The following SPMAP1 variants were observed in gnomAD, a reference collection of about 807,000 sequenced individuals.
SPMAP1 encodes the protein sperm microtubule associated protein 1.
At chr17:38,835,130 T>C in the SPMAP1 span, 3 of 1,547,804 alleles carry the variant, frequency 1.9e-6, no homozygotes, top group Non-Finnish European at 2.7e-6. Context: ...ACACTAAGAG[T>C]TCATCTAAAC....
chr17:38,839,067 CAG>C, the SPMAP1 span, among the ~76,000 whole-genome samples: 1 of 113,216 alleles, frequency 8.8e-6, no homozygotes, highest in Admixed American at 1.3e-4. Context: ...GCCTGGATGA[CAG>C]AGTGAGACTC....
chr17:38,839,085 C>CAA, the SPMAP1 span, among the ~76,000 whole-genome samples: 126 of 63,550 alleles, frequency 2.0e-3, 1 homozygote, highest in African/African-American at 3.1e-3. Flanking sequence ...GACTCTGTCT[C>CAA]AAAAAAAAAA....
chr17:38,840,301 T>C, the SPMAP1 span, among the ~76,000 whole-genome samples: 1 of 152,114 alleles, frequency 6.6e-6, no homozygotes, highest in African/African-American at 2.4e-5. Context: ...TTTTTGCGTA[T>C]TTAGAGAATT....
the SPMAP1 span, among the ~76,000 whole-genome samples, chr17:38,839,786 CGA>C: frequency 6.6e-6 from 1 of 151,562 alleles, no homozygotes. Flanking sequence ...GGCGACAGAG[CGA>C]GACTCCGTCT....
At chr17:38,839,836 CAT>C in the SPMAP1 span, among the ~76,000 whole-genome samples, 5 of 152,076 alleles carry the variant, frequency 3.3e-5, no homozygotes, top group African/African-American at 9.7e-5. Context: ...TGAGTCAACA[CAT>C]GTGTGACTCA....
the SPMAP1 span, among the ~76,000 whole-genome samples, chr17:38,836,401 G>A: frequency 2.0e-5 from 3 of 151,932 alleles, no homozygotes; most frequent in Non-Finnish European, 2.9e-5. Context: ...AGGAGTTCAA[G>A]ACCAGCGTGG....
the SPMAP1 span, chr17:38,837,312 G>T: frequency 1.0e-6 from 1 of 1,003,222 alleles, no homozygotes; most frequent in Non-Finnish European, 1.6e-6. Context: ...AGTGCAAACT[G>T]CCCTGGGGTT....
At chr17:38,837,436 G>T in the SPMAP1 span, among the ~76,000 whole-genome samples, 2,987 of 152,246 alleles carry the variant, frequency 0.02, 99 homozygotes, top group African/African-American at 0.067. Context: ...CAGCACTTTG[G>T]AAGGCCAAGG....
At chr17:38,836,380 C>T in the SPMAP1 span, among the ~76,000 whole-genome samples, 1 of 151,964 alleles carries the variant, frequency 6.6e-6, no homozygotes, top group African/African-American at 2.4e-5. Flanking sequence ...GCCAGAGGAT[C>T]ACTTGAGCCT....
At chr17:38,837,167 A>T in the SPMAP1 span, 9 of 1,613,480 alleles carry the variant, frequency 5.6e-6, no homozygotes, top group Non-Finnish European at 7.6e-6. Flanking sequence ...TCTCCTGTTG[A>T]GGTATCTTTG....
At chr17:38,840,633 A>G in the SPMAP1 span, among the ~76,000 whole-genome samples, 2 of 143,096 alleles carry the variant, frequency 1.4e-5, no homozygotes, top group Admixed American at 6.9e-5. Flanking sequence ...AAAAAAAAAA[A>G]AAAAAAAAAA....
chr17:38,836,413 C>T, the SPMAP1 span, among the ~76,000 whole-genome samples: 2 of 151,858 alleles, frequency 1.3e-5, no homozygotes, highest in African/African-American at 4.8e-5. Flanking sequence ...CCAGCGTGGG[C>T]CACATAGGGA....
At chr17:38,841,016 TG>T in the SPMAP1 span, among the ~76,000 whole-genome samples, 2 of 152,058 alleles carry the variant, frequency 1.3e-5, no homozygotes, top group East Asian at 3.9e-4. Flanking sequence ...CGCTCCAGCC[TG>T]GGCGACAGAG....
the SPMAP1 span, among the ~76,000 whole-genome samples, chr17:38,837,939 A>C: frequency 6.6e-6 from 1 of 152,270 alleles, no homozygotes; most frequent in East Asian, 1.9e-4. Context: ...CCCAGACTGG[A>C]GTGCAGTGTT....
the SPMAP1 span, chr17:38,835,379 C>T: frequency 6.2e-7 from 1 of 1,610,386 alleles, no homozygotes; most frequent in South Asian, 1.1e-5. Flanking sequence ...CCTGAGCCTG[C>T]ATTCAGCCCA....
At chr17:38,837,260 A>T in the SPMAP1 span, 4 of 1,550,570 alleles carry the variant, frequency 2.6e-6, no homozygotes, top group Non-Finnish European at 3.6e-6. Flanking sequence ...GGCAAGAGAA[A>T]GTGGGCAAGA....
the SPMAP1 span, among the ~76,000 whole-genome samples, chr17:38,836,844 C>T: frequency 4.6e-5 from 7 of 151,926 alleles, no homozygotes; most frequent in Non-Finnish European, 1.0e-4. Context: ...GATCCACCCG[C>T]CTCAGCTCCC....
chr17:38,841,084 T>C, the SPMAP1 span: 1 of 747,656 alleles, frequency 1.3e-6, no homozygotes, highest in East Asian at 2.7e-5. Context: ...GAAAAGAAAG[T>C]AAACCGAGGA....
the SPMAP1 span, chr17:38,841,228 G>C: frequency 6.2e-7 from 1 of 1,614,226 alleles, no homozygotes; most frequent in Non-Finnish European, 8.5e-7. Flanking sequence ...GACTCTGGAA[G>C]TAGCTGCGGG....
Sources: allele counts gnomAD v4.1 joint callset (sites outside exome capture counted in the v4.1 genomes callset), GRCh38; gene constraint gnomAD v4.1.1; transcripts MANE v1.5; gene names NCBI Gene and HGNC (gene_info 2026-07-23, HGNC 2026-07-21).